The following PIK3CB variants were observed in gnomAD, a reference collection of about 807,000 sequenced individuals.
PIK3CB encodes the protein phosphatidylinositol 4,5-bisphosphate 3-kinase catalytic subunit beta isoform.
PIK3CB carries 39 observed loss-of-function variants against 136.8 expected under a neutral mutation model. The observed-to-expected ratio is 0.29, with a 90% CI of 0.22 to 0.37. PIK3CB has a LOEUF of 0.37. Ranked by LOEUF, PIK3CB falls within the 10% of genes least tolerant of loss-of-function variation. The probability of loss-of-function intolerance (pLI) is 1.00; values close to 1 mark genes in which losing one functional copy is unlikely to be tolerated. For missense variants in PIK3CB, 868 were observed against 1,275.4 expected, an observed-to-expected ratio of 0.68 and a Z score of 4.87; for synonymous variants, 428 against 436.6, an observed-to-expected ratio of 0.98 and a Z score of 0.25.
At chr3:138,794,695 T>C (rs751801230) in intron 2 of PIK3CB, among the ~76,000 whole-genome samples, 7 of 152,172 alleles carry the variant, frequency 4.6e-5, no homozygotes, top group Non-Finnish European at 1.0e-4. Flanking sequence ...CAGAGGTCCA[T>C]TTCTCATGGA....
chr3:138,691,153 A>G lies in PIK3CB; in HGVS notation c.1893-10T>C, dbSNP rs776994749. 7 of 1,610,648 alleles carry G rather than the reference A, an allele frequency of 4.3e-6. No homozygotes were observed. The highest frequency in any genetic ancestry group is 3.4e-5 in the Admixed American group (2 of 59,396). ...AGAAAGTTCTTCATCACTGAAAGAA[A>G]CAAAAGACACAGTGAGTAACCAAAC... On this transcript the variant is annotated splice_polypyrimidine_tract_variant and intron_variant, in intron 14 of 23. Transcript: ENST00000674063.
chr3:138,765,389 G>A (rs1378126663), intron 2 of PIK3CB, among the ~76,000 whole-genome samples: 2 of 152,092 alleles, frequency 1.3e-5, no homozygotes, highest in Non-Finnish European at 2.9e-5. Flanking sequence ...TGCTTGACAG[G>A]AAAACTTGAA....
At chr3:138,689,045 TC>T (rs2043954601) in intron 15 of PIK3CB, 71 bp from the exon 16 acceptor site, 18 of 862,058 alleles carry the variant, frequency 2.1e-5, no homozygotes, top group Non-Finnish European at 3.4e-5. Flanking sequence ...AATACTGACT[TC>T]TTTATTCTAC....
At chr3:138,655,562 C>T in intron 23 of PIK3CB, 36 bp from the exon 24 acceptor site, 8 of 1,548,286 alleles carry the variant, frequency 5.2e-6, no homozygotes, top group Non-Finnish European at 6.2e-6. Flanking sequence ...TTTTATATAA[C>T]TTTAGTAGAG....
At chr3:138,767,359 A>G (rs903177342) in intron 2 of PIK3CB, among the ~76,000 whole-genome samples, 2 of 152,240 alleles carry the variant, frequency 1.3e-5, no homozygotes, top group African/African-American at 4.8e-5. Flanking sequence ...GCCAACAAGA[A>G]CAAAATCATA....
chr3:138,729,586 T>C (rs530225026), intron 8 of PIK3CB, among the ~76,000 whole-genome samples: 11 of 152,184 alleles, frequency 7.2e-5, no homozygotes, highest in Non-Finnish European at 1.6e-4. Context: ...AACTGGGACA[T>C]TGGCTTTTTT....
chr3:138,736,214 T>G (rs938269610), intron 6 of PIK3CB, among the ~76,000 whole-genome samples: 1 of 152,180 alleles, frequency 6.6e-6, no homozygotes, highest in South Asian at 2.1e-4. Flanking sequence ...TCTTATGGAC[T>G]AGAGTTCAAC....
intron 4 of PIK3CB, among the ~76,000 whole-genome samples, 172 bp from the exon 5 acceptor site, chr3:138,742,953 A>C (rs1387571815): frequency 6.6e-6 from 1 of 152,188 alleles, no homozygotes; most frequent in Non-Finnish European, 1.5e-5. Context: ...AACCCAGATA[A>C]AACAATAAAT....
intron 19 of PIK3CB, among the ~76,000 whole-genome samples, chr3:138,668,164 C>T (rs971710109): frequency 6.6e-6 from 1 of 152,092 alleles, no homozygotes; most frequent in African/African-American, 2.4e-5. Flanking sequence ...GAAGCATTCT[C>T]CTAATGCAGC....
At chr3:138,685,954 T>C (rs370574103) in intron 16 of PIK3CB, among the ~76,000 whole-genome samples, 6 of 152,090 alleles carry the variant, frequency 3.9e-5, no homozygotes, top group African/African-American at 1.4e-4. Flanking sequence ...CTGGCCAACA[T>C]GGAGAAACCC....
intron 2 of PIK3CB, among the ~76,000 whole-genome samples, chr3:138,788,964 CAAAAAA>C (rs57432821): frequency 0.025 from 2,248 of 89,514 alleles, 96 homozygotes; most frequent in African/African-American, 0.096. Flanking sequence ...GACTTCGTCT[CAAAAAA>C]AAAAAAAAAA....
intron 4 of PIK3CB, among the ~76,000 whole-genome samples, chr3:138,746,978 G>T (rs979397699): frequency 1.8e-4 from 25 of 142,530 alleles, no homozygotes; most frequent in Non-Finnish European, 1.1e-4. Context: ...ACTTATACTG[G>T]ATTGATTTAT....
chr3:138,704,901 C>T (rs924497837), intron 11 of PIK3CB, among the ~76,000 whole-genome samples: 39 of 151,732 alleles, frequency 2.6e-4, no homozygotes, highest in Non-Finnish European at 2.9e-4. Flanking sequence ...GTAGAAGTAA[C>T]GACAATATCT....
At chr3:138,700,423 T>A (rs1003227002) in intron 12 of PIK3CB, among the ~76,000 whole-genome samples, 1 of 151,970 alleles carries the variant, frequency 6.6e-6, no homozygotes, top group African/African-American at 2.4e-5. Context: ...GCTCAAAGAA[T>A]GATAGGGACA....
chr3:138,800,084 C>A (rs2046155799), intron 1 of PIK3CB, among the ~76,000 whole-genome samples: 1 of 152,126 alleles, frequency 6.6e-6, no homozygotes, highest in Admixed American at 6.6e-5. Context: ...ACATGCTGTT[C>A]TTTCAGCTTG....
intron 19 of PIK3CB, among the ~76,000 whole-genome samples, chr3:138,679,869 C>T (rs1354245494): frequency 2.1e-5 from 3 of 144,498 alleles, no homozygotes; most frequent in African/African-American, 7.7e-5. Flanking sequence ...GCTGGGATTA[C>T]AGGCGTAAGC....
At chr3:138,665,001 T>C in intron 20 of PIK3CB, 35 bp downstream of exon 20, 1 of 1,474,800 alleles carries the variant, frequency 6.8e-7, no homozygotes, top group Non-Finnish European at 9.3e-7. Context: ...TGGCTGTTTG[T>C]ACAGAAAAAT....
At chr3:138,671,739 G>T (rs969169584) in intron 19 of PIK3CB, among the ~76,000 whole-genome samples, 1 of 152,252 alleles carries the variant, frequency 6.6e-6, no homozygotes, top group African/African-American at 2.4e-5. Context: ...GCGTAGAGGG[G>T]TGCCTCCTTG....
chr3:138,742,457 T>C (rs1452087866), intron 5 of PIK3CB, 101 bp downstream of exon 5: 2 of 619,318 alleles, frequency 3.2e-6, no homozygotes, highest in African/African-American at 1.8e-5. Flanking sequence ...TTTCTAATAG[T>C]GTTTGCTAGG....
Sources: allele counts gnomAD v4.1 joint callset (sites outside exome capture counted in the v4.1 genomes callset), GRCh38; gene constraint gnomAD v4.1.1; transcripts MANE v1.5; gene names NCBI Gene and HGNC (gene_info 2026-07-23, HGNC 2026-07-21).